Variants in ZNF682 observed in about 807,000 individuals in gnomAD.
ZNF682 encodes the protein zinc finger protein 682.
ZNF682 carries 29 observed loss-of-function variants against 36.5 expected under a neutral mutation model. The ratio of observed to expected loss-of-function variants is 0.80; its 90% CI spans 0.59 to 1.08. The LOEUF is 1.08. Ranked by LOEUF, ZNF682 falls within the 50% of genes least tolerant of loss-of-function variation. ZNF682 has a pLI of 0.00. For missense variants in ZNF682, 561 were observed against 579.7 expected, an observed-to-expected ratio of 0.97 and a Z score of 0.33; for synonymous variants, 180 against 197.0, an observed-to-expected ratio of 0.91 and a Z score of 0.72.
intron 1 of ZNF682, among the ~76,000 whole-genome samples, chr19:20,035,636 T>C (rs1264727548): frequency 6.6e-6 from 1 of 152,230 alleles, no homozygotes; most frequent in African/African-American, 2.4e-5. Flanking sequence ...GTTAAAATAA[T>C]TTATATTTCA....
chr19:19,998,072 C>T (rs1027607571), intron 3 of ZNF682, among the ~76,000 whole-genome samples: 3 of 152,178 alleles, frequency 2.0e-5, no homozygotes, highest in African/African-American at 7.2e-5. Flanking sequence ...TGCCAGCTAC[C>T]CTGGTGGACC....
chr19:20,020,733 AT>A (rs1331901962), intron 3 of ZNF682, among the ~76,000 whole-genome samples: 1 of 152,220 alleles, frequency 6.6e-6, no homozygotes, highest in East Asian at 1.9e-4. Context: ...CCATAAAAAA[AT>A]CATGAAATCC....
intron 2 of ZNF682, 147 bp from the exon 3 acceptor site, chr19:20,023,246 C>T: frequency 4.6e-6 from 3 of 655,336 alleles, no homozygotes; most frequent in Non-Finnish European, 7.3e-6. Context: ...TACCTGTAAT[C>T]CCAACATTTT....
chr19:20,024,102 T>G (rs746576568), intron 2 of ZNF682, 148 bp downstream of exon 2: 5 of 908,282 alleles, frequency 5.5e-6, no homozygotes, highest in Admixed American at 2.9e-5. Flanking sequence ...AATTTTCTTC[T>G]CTATCCCAAC....
intron 3 of ZNF682, among the ~76,000 whole-genome samples, chr19:20,022,144 G>A (rs1336885228): frequency 6.7e-6 from 1 of 149,790 alleles, no homozygotes; most frequent in Non-Finnish European, 1.5e-5. Context: ...ACTCCAGCCT[G>A]GGTGACAGAG....
downstream of ZNF682, among the ~76,000 whole-genome samples, chr19:19,995,139 G>GTA (rs2088122172): frequency 2.0e-5 from 3 of 152,154 alleles, no homozygotes; most frequent in African/African-American, 7.2e-5. Flanking sequence ...ACTTTTAAGG[G>GTA]TAAGAAGTTT....
At chr19:20,003,635 G>A (rs1181462127), downstream of ZNF682, among the ~76,000 whole-genome samples, 1 of 151,816 alleles carries the variant, frequency 6.6e-6, no homozygotes, top group Non-Finnish European at 1.5e-5. Flanking sequence ...AACCTGGGAG[G>A]TGGAGCTTGC....
chr19:20,003,190 C>CA (rs755953644), downstream of ZNF682, among the ~76,000 whole-genome samples: 6,814 of 33,106 alleles, frequency 0.21, 2,413 homozygotes, highest in African/African-American at 0.33. Context: ...GACTCCGTCT[C>CA]AAAAAAAAAA....
At chr19:20,023,235 A>C in intron 2 of ZNF682, 136 bp from the exon 3 acceptor site, 1 of 717,302 alleles carries the variant, frequency 1.4e-6, no homozygotes, top group Non-Finnish European at 2.2e-6. Flanking sequence ...GCGTTGGCTC[A>C]TACCTGTAAT....
chr19:20,016,583 G>T (rs781701994), intron 3 of ZNF682, among the ~76,000 whole-genome samples: 1 of 151,910 alleles, frequency 6.6e-6, no homozygotes, highest in Non-Finnish European at 1.5e-5. Flanking sequence ...AGCCACAACA[G>T]ATAACTTAAT....
At chr19:20,002,511 C>T (rs764452178), downstream of ZNF682, among the ~76,000 whole-genome samples, 15 of 152,164 alleles carry the variant, frequency 9.9e-5, no homozygotes, top group Non-Finnish European at 2.1e-4. Flanking sequence ...CTTGCGCAGT[C>T]CCTTTTGTAG....
intron 3 of ZNF682, among the ~76,000 whole-genome samples, chr19:20,009,978 C>T (rs532645570): frequency 1.3e-5 from 2 of 151,944 alleles, no homozygotes; most frequent in East Asian, 3.9e-4. Flanking sequence ...TGAGATTGCA[C>T]CACTGCACTC....
chr19:20,006,544 T>C lies in ZNF682; in HGVS notation c.958A>G (p.Lys320Glu). 6.2e-7 allele frequency: 1 copy of C among 1,614,178 alleles called. No homozygotes were observed. Among genetic ancestry groups the C allele is most frequent in the Non-Finnish European group, 8.5e-7 (1 of 1,180,014 alleles). The change falls in exon 4 of 4, where the codon AAA (lysine) becomes GAA (glutamate). Residue 320 changes from lysine to glutamate, a missense_variant. Lys to Glu is a moderately conservative substitution (Grantham distance 56). Transcript: ENST00000397165. The part of the protein sequence containing the change: ...KKPYKCKECG[K>E]AFNHCSLLTI... ...AGTAGTGAGCAGTGGTTAAAGGCTT[T>C]CCCACATTCTTTACATTTGTAGGGT...
At chr19:20,014,778 C>CAAA (rs554191306) in intron 3 of ZNF682, among the ~76,000 whole-genome samples, 1,498 of 72,074 alleles carry the variant, frequency 0.021, 13 homozygotes, top group Middle Eastern at 0.062. Context: ...GACTCCATCT[C>CAAA]AAAAAAAAAA....
In ZNF682 at chr19:20,006,694, AACACC is replaced by A. The variant is rs1161735323; in HGVS notation, c.803_807del (p.Trp268PhefsTer5). On this transcript the variant is annotated frameshift_variant, in exon 4 of 4. Coordinates refer to ENST00000397165, the MANE Select transcript of ZNF682 (RefSeq NM_033196.3). LOFTEE classifies it high-confidence loss of function. ...ATTTTCTTATGTCTAACAAAGGGTG[AACACC>A]AGTGAAAGGCTTTTCCACATTCTTC... The A allele has an allele frequency of 6.2e-7, 1 of 1,613,838 alleles. No individual in the cohort carries two copies. Among genetic ancestry groups the A allele is most frequent in the African/African-American group, 1.3e-5 (1 of 74,866 alleles).
At chr19:19,996,058 C>T (rs574732342), downstream of ZNF682, among the ~76,000 whole-genome samples, 5 of 152,236 alleles carry the variant, frequency 3.3e-5, no homozygotes, top group Admixed American at 3.3e-4. Flanking sequence ...GATCAGAGAC[C>T]TTGGTTCATT....
At chr19:20,025,400 A>G (rs567882943) in intron 1 of ZNF682, among the ~76,000 whole-genome samples, 36 of 152,200 alleles carry the variant, frequency 2.4e-4, no homozygotes, top group Admixed American at 7.2e-4. Context: ...GAATTGGGCC[A>G]GGCGCGGTGG....
At chr19:20,015,387 G>A in intron 3 of ZNF682, 1 of 983,972 alleles carries the variant, frequency 1.0e-6, no homozygotes, top group Non-Finnish European at 1.2e-6. Context: ...ATAAACATAT[G>A]GCTGATTCAT....
intron 3 of ZNF682, among the ~76,000 whole-genome samples, chr19:20,010,031 A>G (rs1355857445): frequency 6.6e-6 from 1 of 151,990 alleles, no homozygotes; most frequent in African/African-American, 2.4e-5. Context: ...ACAACAACAA[A>G]AAAAGAGATT....
Sources: gnomAD v4.1 joint callset for allele counts (sites outside exome capture counted in the v4.1 genomes callset) on GRCh38, gnomAD v4.1.1 for gene constraint, MANE v1.5 for transcripts, NCBI Gene and HGNC (gene_info 2026-07-23, HGNC 2026-07-21) for gene names.